Variants in DCT observed in about 807,000 individuals in gnomAD.
DCT encodes the protein L-dopachrome tautomerase.
DCT carries 47 observed loss-of-function variants against 53.0 expected under a neutral mutation model. The ratio of observed to expected loss-of-function variants is 0.89; its 90% CI spans 0.70 to 1.13. The LOEUF is 1.13. DCT is among the 50% of genes most tolerant of loss of function. The pLI is 0.00. For synonymous variants in DCT, 244 were observed against 237.0 expected, an observed-to-expected ratio of 1.03 and a Z score of -0.27; for missense variants, 669 against 637.4, an observed-to-expected ratio of 1.05 and a Z score of -0.53.
the DCT span, among the ~76,000 whole-genome samples, chr13:94,527,572 C>T: frequency 2.0e-5 from 3 of 152,224 alleles, no homozygotes; most frequent in South Asian, 2.1e-4. Context: ...AACTAACAAA[C>T]GGAAAGGAAT....
chr13:94,488,940 T>C, the DCT span, among the ~76,000 whole-genome samples: 1 of 152,046 alleles, frequency 6.6e-6, no homozygotes, highest in Non-Finnish European at 1.5e-5. Context: ...ATGAACTCAC[T>C]ATGTTTATGC....
chr13:94,443,615 G>A lies in DCT; in HGVS notation c.1202C>T (p.Ala401Val), dbSNP rs1594271822. ...TCTTTTCATCCACTCATCAAAGATG[G>A]CATCAGTAAAGGAATGAAGAACCTG... is the stretch of plus-strand genomic sequence containing the variant. Reference protein sequence around the residue: ...IFVVLHSFTDAIFDEWMKRFN... With the variant: ...IFVVLHSFTDVIFDEWMKRFN... The change falls in exon 7 of 8, where the codon GCC becomes GTC. Residue 401 changes from alanine to valine, a missense_variant. Physicochemically the swap from Ala to Val is moderately conservative, Grantham distance 64. Transcript: ENST00000377028. The A allele has an allele frequency of 6.2e-7, 1 of 1,613,834 alleles. No individual in the cohort carries two copies. The highest frequency in any genetic ancestry group is 8.5e-7 in the Non-Finnish European group (1 of 1,179,874).
chr13:94,513,393 T>C, the DCT span, among the ~76,000 whole-genome samples: 1 of 152,182 alleles, frequency 6.6e-6, no homozygotes, highest in Non-Finnish European at 1.5e-5. Flanking sequence ...GAGGTAACTA[T>C]GGTCTGCTAC....
chr13:94,475,631 C>T (rs1249607545), intron 1 of DCT, among the ~76,000 whole-genome samples: 1 of 152,122 alleles, frequency 6.6e-6, no homozygotes, highest in Admixed American at 6.5e-5. Context: ...AGGCATTCGG[C>T]ACTTAAAAAT....
intron 6 of DCT, among the ~76,000 whole-genome samples, chr13:94,447,808 G>T (rs984489868): frequency 6.6e-6 from 1 of 152,126 alleles, no homozygotes; most frequent in African/African-American, 2.4e-5. Flanking sequence ...GAAAGTATCA[G>T]AATTCACCAA....
chr13:94,446,382 G>C (rs1246918079), intron 6 of DCT, among the ~76,000 whole-genome samples: 1 of 152,144 alleles, frequency 6.6e-6, no homozygotes, highest in Non-Finnish European at 1.5e-5. Context: ...GGTGGGTGGG[G>C]CCTGCAAGCA....
the DCT span, among the ~76,000 whole-genome samples, chr13:94,522,814 T>C: frequency 6.6e-6 from 1 of 152,192 alleles, no homozygotes. Context: ...TTAGCAAAGG[T>C]TATATAGCCA....
chr13:94,488,815 A>G, the DCT span, among the ~76,000 whole-genome samples: 1 of 145,312 alleles, frequency 6.9e-6, no homozygotes, highest in African/African-American at 2.5e-5. Flanking sequence ...ACATACATAC[A>G]CACACCATAT....
At chr13:94,447,928 C>A (rs1009338696) in intron 6 of DCT, among the ~76,000 whole-genome samples, 3 of 152,122 alleles carry the variant, frequency 2.0e-5, no homozygotes, top group African/African-American at 7.2e-5. Context: ...TTGTAGCTCT[C>A]AGGAGGGCTA....
At chr13:94,441,564 T>G (rs1326942431) in intron 7 of DCT, among the ~76,000 whole-genome samples, 1 of 152,202 alleles carries the variant, frequency 6.6e-6, no homozygotes, top group Non-Finnish European at 1.5e-5. Context: ...CTCTATGAAT[T>G]TGACTATCTC....
rs372320239 is a variant in DCT at position 94,445,812 on chromosome 13, T to G, written c.1180-2175A>C. ...AATTTTGTTTGTAGTTCTTACATTC[T>G]CAGTGTGAGCTGAATTGGGACCCGC... On this transcript the variant is annotated intron_variant, in intron 6 of 7. Transcript: ENST00000377028. 2.1e-4 allele frequency: 283 copies of G among 1,356,546 alleles called. No homozygotes were observed. In the African/African-American group the frequency reaches 3.9e-3, roughly 19 times the overall value. 84.0% of individuals were successfully genotyped at this position (1,356,546 alleles called of 1,614,324 possible).
chr13:94,533,319 A>G, the DCT span, among the ~76,000 whole-genome samples: 4 of 150,628 alleles, frequency 2.7e-5, no homozygotes, highest in Non-Finnish European at 4.4e-5. Flanking sequence ...TTTGTCCAAA[A>G]GATGCTTATT....
At chr13:94,543,991 C>T in the DCT span, among the ~76,000 whole-genome samples, 53 of 150,020 alleles carry the variant, frequency 3.5e-4, no homozygotes, top group Non-Finnish European at 7.1e-4. Context: ...GCCGAGATCA[C>T]GCCACTGTAC....
intron 6 of DCT, among the ~76,000 whole-genome samples, chr13:94,455,462 T>G (rs1423586286): frequency 6.6e-6 from 1 of 151,258 alleles, no homozygotes; most frequent in African/African-American, 2.4e-5. Flanking sequence ...AGTGAATCCT[T>G]TACACCACAG....
chr13:94,540,679 C>G, the DCT span, among the ~76,000 whole-genome samples: 1 of 152,070 alleles, frequency 6.6e-6, no homozygotes. Flanking sequence ...GAAAGGGGAA[C>G]CCTCGTACAC....
rs774719717 is a variant in DCT at position 94,479,010 on chromosome 13, G to T, written c.246C>A (p.Asp82Glu). The T allele has an allele frequency of 1.1e-5, 17 of 1,613,788 alleles. No individual in the cohort carries two copies. The highest frequency in any genetic ancestry group is 1.7e-5 in the Admixed American group (1 of 60,020). Residue 82 changes from aspartate (D) to glutamate (E), a missense_variant, in exon 1 of 8, where the codon GAC becomes GAA. Transcript: ENST00000377028. Reference sequence around the variant, plus strand: ...AGAATTTTCTTGGCCACAGCTCACGGTCATCCTGGTTTCGTAGGATGTAGG... The same window carrying T: ...AGAATTTTCTTGGCCACAGCTCACGTTCATCCTGGTTTCGTAGGATGTAGG... The part of the protein sequence containing the change: ...SGPYILRNQD[D>E]RELWPRKFFH...
chr13:94,522,944 C>T, the DCT span, among the ~76,000 whole-genome samples: 2 of 152,166 alleles, frequency 1.3e-5, no homozygotes, highest in East Asian at 1.9e-4. Context: ...TGAAGATTGA[C>T]GGTGTTAGCA....
chr13:94,545,270 G>A, the DCT span, among the ~76,000 whole-genome samples: 1 of 151,956 alleles, frequency 6.6e-6, no homozygotes, highest in Non-Finnish European at 1.5e-5. Context: ...ATCCAAATGG[G>A]CCATGGTCAG....
chr13:94,479,164 G>T lies in DCT; in HGVS notation c.92C>A (p.Thr31Lys). 6.2e-7 allele frequency: 1 copy of T among 1,613,788 alleles called. No individual in the cohort carries two copies. The highest frequency in any genetic ancestry group is 8.5e-7 in the Non-Finnish European group (1 of 1,179,696). Residue 31 changes from threonine to lysine, a missense_variant, in exon 1 of 8, where the codon ACG (threonine) becomes AAG (lysine). By Grantham distance (78) the Thr-to-Lys change is moderately conservative. Transcript: ENST00000377028. ...CTCCTTGTTCACTAGGCTGTCCACC[G>T]TCATGCAGACTCGGGGGAACTGACC... ...AQGQFPRVCM[T>K]VDSLVNKECC...
Sources: gnomAD v4.1 joint callset for allele counts (sites outside exome capture counted in the v4.1 genomes callset) on GRCh38, gnomAD v4.1.1 for gene constraint, MANE v1.5 for transcripts, NCBI Gene and HGNC (gene_info 2026-07-23, HGNC 2026-07-21) for gene names.